The following SLC16A7 variants were observed in gnomAD, a reference collection of about 807,000 sequenced individuals.
SLC16A7 encodes monocarboxylate transporter 2.
Under a neutral mutation model 34.9 loss-of-function variants are expected in SLC16A7, and 33 were observed. The ratio of observed to expected loss-of-function variants is 0.94; its 90% CI spans 0.72 to 1.26. The LOEUF (loss-of-function observed/expected upper bound fraction) is 1.26. Among genes scored for constraint, SLC16A7 ranks in the 50% most tolerant of loss-of-function variants. The pLI, the probability that SLC16A7 is intolerant of heterozygous loss-of-function variation, is 0.00. For missense variants in SLC16A7, 573 were observed against 578.1 expected, an observed-to-expected ratio of 0.99 and a Z score of 0.09; for synonymous variants, 201 against 206.6, an observed-to-expected ratio of 0.97 and a Z score of 0.23.
Position 59,787,258 on chromosome 12 carries a change from A to G in SLC16A7, c.*7579A>G, listed in dbSNP as rs537742752. On this transcript the variant is annotated 3_prime_UTR_variant, in exon 6 of 6. Transcript: ENST00000547379. ...ATTGTATGCAAGAAATTATTGCCAT[A>G]GCATAGTCTTGAGGAGAACACCTCT... The G allele has an allele frequency of 2.0e-4, 30 of 152,344 alleles. No individual in the cohort carries two copies. Among genetic ancestry groups the G allele is most frequent in the Non-Finnish European group, 3.5e-4 (24 of 68,036 alleles). The allele number at this position is 152,344 out of a possible 1,614,324, so 9.4% of individuals were successfully genotyped here.
rs75630168 is a variant in SLC16A7 at position 59,678,767 on chromosome 12, C to G, written c.-31+23517C>G. Among the ~76,000 whole-genome samples, 134 of 152,212 alleles carry G rather than the reference C, an allele frequency of 8.8e-4. No individual in the cohort carries two copies. In the East Asian group the frequency reaches 0.022, roughly 25 times the overall value. ...AGGTGGGGTTTCACCTGGAACCCATCCCTTTCTGCCCAGGAGTCTGTCTTC... is the reference window on the plus strand; with the variant it reads ...AGGTGGGGTTTCACCTGGAACCCATGCCTTTCTGCCCAGGAGTCTGTCTTC... On this transcript the variant is annotated intron_variant, in intron 2 of 5. Coordinates refer to ENST00000547379, the MANE Select transcript of SLC16A7 (RefSeq NM_001270623.2).
intron 2 of SLC16A7, among the ~76,000 whole-genome samples, chr12:59,699,371 A>G (rs958638067): frequency 6.6e-6 from 1 of 151,710 alleles, no homozygotes; most frequent in Non-Finnish European, 1.5e-5. Context: ...ATTATTAGTA[A>G]TCACAGAATG....
At chr12:59,759,828 A>T (rs1880812041) in intron 3 of SLC16A7, among the ~76,000 whole-genome samples, 1 of 152,090 alleles carries the variant, frequency 6.6e-6, no homozygotes, top group Non-Finnish European at 1.5e-5. Context: ...ATTTTTGGTC[A>T]GTTCCTATAA....
rs144046100 is a variant in SLC16A7 at position 59,698,542 on chromosome 12, A to G, written c.-30-6230A>G. Among the ~76,000 whole-genome samples the G allele has an allele frequency of 1.4e-3, 215 of 151,922 alleles. 1 individual carries two copies. Among genetic ancestry groups the G allele is most frequent in the Middle Eastern group, 6.8e-3 (2 of 294 alleles). On this transcript the variant is annotated intron_variant, in intron 2 of 5. Coordinates refer to ENST00000547379, the MANE Select transcript of SLC16A7 (RefSeq NM_001270623.2). ...AATGGCAGAGTCATGGCCTATGCCT[A>G]TTAATTGTTTCTGATCATGATTGTA...
At chr12:59,696,546 T>G (rs1244218815) in intron 2 of SLC16A7, 1 of 152,082 alleles carries the variant, frequency 6.6e-6, no homozygotes, top group Non-Finnish European at 1.5e-5. Context: ...CTTTTAACTC[T>G]GTTTTTCTTG....
intron 3 of SLC16A7, among the ~76,000 whole-genome samples, chr12:59,735,004 C>T (rs1380126907): frequency 6.6e-6 from 1 of 152,116 alleles, no homozygotes; most frequent in Non-Finnish European, 1.5e-5. Context: ...ACTAAATCAT[C>T]TTGAAAAGAG....
chr12:59,667,212 G>A (rs1434486065), intron 2 of SLC16A7, among the ~76,000 whole-genome samples: 3 of 152,158 alleles, frequency 2.0e-5, no homozygotes, highest in Non-Finnish European at 4.4e-5. Context: ...TGGGAATTCT[G>A]GGAGATGAAA....
chr12:59,732,890 G>A (rs982762634), intron 3 of SLC16A7, among the ~76,000 whole-genome samples: 3 of 152,160 alleles, frequency 2.0e-5, no homozygotes, highest in Non-Finnish European at 2.9e-5. Context: ...TGACAGACAA[G>A]ATCACTTTTA....
chr12:59,677,613 C>G, intron 2 of SLC16A7, among the ~76,000 whole-genome samples: 1 of 152,172 alleles, frequency 6.6e-6, no homozygotes, highest in East Asian at 1.9e-4. Context: ...TTCCACAAGG[C>G]TACTGTTTTG....
At chr12:59,605,716 AT>A (rs1226163936) in intron 1 of SLC16A7, among the ~76,000 whole-genome samples, 3 of 151,982 alleles carry the variant, frequency 2.0e-5, no homozygotes, top group Admixed American at 6.6e-5. Context: ...CCTTGAGCCA[AT>A]TTTTTTTGTA....
chr12:59,770,062 T>C (rs1309356350), intron 3 of SLC16A7, among the ~76,000 whole-genome samples: 1 of 152,140 alleles, frequency 6.6e-6, no homozygotes, highest in African/African-American at 2.4e-5. Flanking sequence ...AAAATAATGC[T>C]GTCACTGAAG....
intron 3 of SLC16A7, among the ~76,000 whole-genome samples, chr12:59,764,609 T>A (rs1881388331): frequency 6.6e-6 from 1 of 152,052 alleles, no homozygotes. Context: ...TGCGATAGTT[T>A]GCTGAGAACG....
chr12:59,688,717 A>G (rs1871340930), intron 2 of SLC16A7, among the ~76,000 whole-genome samples: 1 of 152,086 alleles, frequency 6.6e-6, no homozygotes, highest in Admixed American at 6.6e-5. Flanking sequence ...GACTAAAGAC[A>G]AATCAATATA....
At chr12:59,625,671 A>G (rs1306140621) in intron 1 of SLC16A7, among the ~76,000 whole-genome samples, 1 of 151,838 alleles carries the variant, frequency 6.6e-6, no homozygotes, top group Admixed American at 6.6e-5. Context: ...TAGCAACTCA[A>G]GAAATATTAG....
At chr12:59,715,404 C>A (rs1271912633) in intron 3 of SLC16A7, among the ~76,000 whole-genome samples, 1 of 152,146 alleles carries the variant, frequency 6.6e-6, no homozygotes, top group African/African-American at 2.4e-5. Context: ...ACCTTTCCTC[C>A]ATAAGTCATA....
intron 1 of SLC16A7, among the ~76,000 whole-genome samples, chr12:59,654,648 A>G (rs2137022363): frequency 6.6e-6 from 1 of 151,904 alleles, no homozygotes; most frequent in East Asian, 1.9e-4. Flanking sequence ...GTATTTATGT[A>G]AAAAATTTCA....
intron 2 of SLC16A7, among the ~76,000 whole-genome samples, chr12:59,693,926 A>G (rs1447502769): frequency 3.3e-5 from 5 of 151,958 alleles, no homozygotes; most frequent in African/African-American, 1.2e-4. Flanking sequence ...TAAAAAAGTC[A>G]CTTTGCAATT....
intron 3 of SLC16A7, chr12:59,769,382 AT>A (rs1882002271): frequency 6.6e-6 from 1 of 152,010 alleles, no homozygotes; most frequent in Non-Finnish European, 1.5e-5. Flanking sequence ...TGTATAATTT[AT>A]TTTCTTCAGC....
Position 59,786,397 on chromosome 12 carries a change from G to A in SLC16A7, c.*6718G>A, listed in dbSNP as rs191533145. The A allele has an allele frequency of 2.1e-4, 32 of 151,798 alleles. No homozygotes were observed. In the East Asian group the frequency reaches 5.2e-3, roughly 25 times the overall value. 9.4% of individuals were successfully genotyped at this position (151,798 alleles called of 1,614,324 possible). A position where few individuals can be genotyped will look rare whatever the true frequency, so the allele number is the denominator to read the frequency against. ...TAGACTCAGTTTATATAGCTTCCTC[G>A]TTAGAGTACACATTTTTTTTCTCAT... On this transcript the variant is annotated 3_prime_UTR_variant, in exon 6 of 6. Coordinates refer to ENST00000547379, the MANE Select transcript of SLC16A7 (RefSeq NM_001270623.2).
Sources: gnomAD v4.1 joint callset for allele counts (sites outside exome capture counted in the v4.1 genomes callset) on GRCh38, gnomAD v4.1.1 for gene constraint, MANE v1.5 for transcripts, NCBI Gene and HGNC (gene_info 2026-07-23, HGNC 2026-07-21) for gene names.